The following ZNF726 variants were observed in gnomAD, a reference collection of about 807,000 sequenced individuals.
ZNF726 encodes the protein zinc finger protein 726.
ZNF726 carries 15 observed loss-of-function variants against 11.6 expected under a neutral mutation model. The ratio of observed to expected loss-of-function variants is 1.29; its 90% CI spans 0.86 to 1.99. The LOEUF (loss-of-function observed/expected upper bound fraction) is 1.99, where lower values mean the gene tolerates loss of function less well. ZNF726 is among the 30% of genes most tolerant of loss of function. ZNF726 has a pLI of 0.00. For synonymous variants in ZNF726, 295 were observed against 243.6 expected (o/e 1.21, Z -1.96); for missense variants, 890 against 725.6 (o/e 1.23, Z -2.60).
intron 3 of ZNF726, chr19:23,923,996 A>G (rs1353616014): frequency 6.6e-6 from 1 of 151,986 alleles, no homozygotes; most frequent in African/African-American, 2.4e-5. Context: ...TTATATCTAT[A>G]AATATGACCC....
intron 3 of ZNF726, chr19:23,927,867 T>C (rs1353250529): frequency 6.6e-6 from 1 of 152,210 alleles, no homozygotes; most frequent in Admixed American, 6.5e-5. Flanking sequence ...TTTCTTGCTT[T>C]TGACTGGAAA....
In ZNF726 at chr19:23,925,708, CTTTTCT is replaced by C. The variant is rs1294772816; in HGVS notation, c.226+5631_226+5636del. ...TATTCAATTTGATTGTTCAGTTTTT[CTTTTCT>C]TTTTTTTTTTTTTTTTTTGGGAGAT... On this transcript the variant is annotated intron_variant, in intron 3 of 3. Transcript: ENST00000594466. 9.6e-3 allele frequency among the ~76,000 whole-genome samples: 1,260 copies of C among 131,554 alleles called. 7 individuals carry two copies. Among genetic ancestry groups the C allele is most frequent in the African/African-American group, 0.032 (1,113 of 34,420 alleles). The allele number at this position is 131,554 out of a possible 152,430, so 86.3% of individuals were successfully genotyped here.
downstream of ZNF726, among the ~76,000 whole-genome samples, chr19:23,937,096 C>T (rs990693842): frequency 4.7e-5 from 7 of 150,254 alleles, no homozygotes; most frequent in African/African-American, 1.7e-4. Context: ...GCTGACCCCC[C>T]CCACCTCCCT....
rs561851113 is a variant in ZNF726, at chr19:23,918,312, A to G, written c.4-1061A>G. Among the ~76,000 whole-genome samples, 33 of 152,298 alleles carry G rather than the reference A, an allele frequency of 2.2e-4. No homozygotes were observed. In the South Asian group the frequency reaches 6.4e-3, roughly 30 times the overall value. ...TAATTTCTTACAGTATTCAACATCT[A>G]TGCATTACACGATTAAGAAAAGGCT... On this transcript the variant is annotated intron_variant, in intron 1 of 3. Coordinates refer to ENST00000594466, the MANE Select transcript of ZNF726 (RefSeq NM_001244038.2).
At chr19:23,942,246 A>G (rs988036678) in intron 3 of ZNF726, among the ~76,000 whole-genome samples, 1 of 152,092 alleles carries the variant, frequency 6.6e-6, no homozygotes, top group Non-Finnish European at 1.5e-5. Flanking sequence ...AGGTTATTTA[A>G]TTTCCATGTA....
In ZNF726 at chr19:23,932,486, A is replaced by C. The variant is rs781437939; in HGVS notation, c.370A>C (p.Lys124Gln). Residue 124 changes from lysine to glutamine, a missense_variant, in exon 4 of 4, where the codon AAG (lysine) becomes CAG (glutamine). By Grantham distance (53) the Lys-to-Gln change is moderately conservative (BLOSUM62 1). Coordinates refer to ENST00000594466, the MANE Select transcript of ZNF726 (RefSeq NM_001244038.2). Reference sequence around the variant, plus strand: ...AGGTTGTAAAAGTGTGGATGAGTGTAAGGTACACAAAGAAGGTTATAATGG... The same window carrying C: ...AGGTTGTAAAAGTGTGGATGAGTGTCAGGTACACAAAGAAGGTTATAATGG... ...RKGCKSVDECKVHKEGYNGLN... is the reference protein window; with the variant it reads ...RKGCKSVDECQVHKEGYNGLN... The C allele has an allele frequency of 7.6e-6, 12 of 1,588,928 alleles. No individual in the cohort carries two copies. In the East Asian group the frequency reaches 2.5e-4, roughly 33 times the overall value.
chr19:23,919,625 GT>G, intron 2 of ZNF726, 126 bp downstream of exon 2: 1 of 1,264,964 alleles, frequency 7.9e-7, no homozygotes, highest in Non-Finnish European at 1.0e-6. Flanking sequence ...GGATTTGTCT[GT>G]TTAGAAAAAA....
At chr19:23,915,087 G>C in intron 1 of ZNF726, 90 bp downstream of exon 1, 2 of 1,593,994 alleles carry the variant, frequency 1.3e-6, no homozygotes, top group Non-Finnish European at 1.7e-6. Context: ...AGGCCTCCTC[G>C]CTGTCAGTTT....
chr19:23,920,236 A>G (rs1742250576), intron 3 of ZNF726, 154 bp downstream of exon 3: 4 of 423,680 alleles, frequency 9.4e-6, no homozygotes, highest in Non-Finnish European at 1.3e-5. Flanking sequence ...AGATAGGGGC[A>G]TCTTCTGCTT....
At chr19:23,929,693 T>G (rs1246788306) in intron 3 of ZNF726, among the ~76,000 whole-genome samples, 1 of 152,208 alleles carries the variant, frequency 6.6e-6, no homozygotes, top group Admixed American at 6.5e-5. Flanking sequence ...TATTTATATC[T>G]CATGACAACT....
chr19:23,915,113 A>G, intron 1 of ZNF726, 116 bp downstream of exon 1: 1 of 1,509,580 alleles, frequency 6.6e-7, no homozygotes, highest in East Asian at 2.3e-5. Context: ...TCTGCGCCCG[A>G]GTTGTTGCCC....
At chr19:23,924,386 G>A (rs1967932232) in intron 3 of ZNF726, among the ~76,000 whole-genome samples, 1 of 151,910 alleles carries the variant, frequency 6.6e-6, no homozygotes, top group African/African-American at 2.4e-5. Context: ...GTTTTATCTT[G>A]TCTAAGTTAG....
At chr19:23,915,051 G>T in intron 1 of ZNF726, 54 bp downstream of exon 1, 1 of 1,613,302 alleles carries the variant, frequency 6.2e-7, no homozygotes. Flanking sequence ...GGCTGGAACC[G>T]GTGGGAAGCG....
At chr19:23,920,754 GTTTT>G (rs913205010) in intron 3 of ZNF726, 2 of 149,028 alleles carry the variant, frequency 1.3e-5, no homozygotes, top group African/African-American at 4.9e-5. Context: ...TTCATTAGGG[GTTTT>G]TTTTTGTTTG....
chr19:23,931,404 C>A (rs913542235), intron 3 of ZNF726, among the ~76,000 whole-genome samples: 1 of 152,220 alleles, frequency 6.6e-6, no homozygotes, highest in Admixed American at 6.5e-5. Flanking sequence ...TTCTCGTCCT[C>A]ATTTTTGTGA....
intron 3 of ZNF726, among the ~76,000 whole-genome samples, chr19:23,943,328 C>T (rs1968367483): frequency 6.6e-6 from 1 of 152,140 alleles, no homozygotes; most frequent in African/African-American, 2.4e-5. Flanking sequence ...AGCTACAGAC[C>T]CAGAAATGTA....
chr19:23,926,594 T>C (rs891788384), intron 3 of ZNF726, among the ~76,000 whole-genome samples: 1 of 151,414 alleles, frequency 6.6e-6, no homozygotes, highest in African/African-American at 2.4e-5. Flanking sequence ...AAAAAAGTTA[T>C]CTTCCTATGT....
intron 1 of ZNF726, among the ~76,000 whole-genome samples, chr19:23,916,337 A>G (rs1967698395): frequency 1.3e-5 from 2 of 150,744 alleles, no homozygotes; most frequent in African/African-American, 2.4e-5. Context: ...TTTTTTTTTA[A>G]AAGTATTTGA....
At chr19:23,919,602 A>C in intron 2 of ZNF726, 103 bp downstream of exon 2, 2 of 1,383,858 alleles carry the variant, frequency 1.4e-6, no homozygotes, top group Non-Finnish European at 1.9e-6. Flanking sequence ...TTCTGTTTTC[A>C]AGAAAATCCT....
Sources: allele counts gnomAD v4.1 joint callset (sites outside exome capture counted in the v4.1 genomes callset), GRCh38; gene constraint gnomAD v4.1.1; transcripts MANE v1.5; gene names NCBI Gene and HGNC (gene_info 2026-07-23, HGNC 2026-07-21).